Variants in MIDN observed in about 807,000 individuals in gnomAD.
The protein encoded by MIDN is midnolin.
A neutral mutation model predicts 46.1 loss-of-function variants in MIDN; 26 were observed. The ratio of observed to expected loss-of-function variants is 0.56; its 90% CI spans 0.41 to 0.78. MIDN has a LOEUF of 0.78. Among genes scored for constraint, MIDN ranks in the 30% least tolerant of loss-of-function variants. The probability of loss-of-function intolerance (pLI) is 0.00; values close to 1 mark genes in which losing one functional copy is unlikely to be tolerated. For missense variants in MIDN, 850 were observed against 771.8 expected (o/e 1.10, Z -1.20); for synonymous variants, 432 against 343.3 (o/e 1.26, Z -2.86).
Position 1,253,432 on chromosome 19 carries a change from C to CG in MIDN, c.385-522_385-521insG, listed in dbSNP as rs1555748738. On this transcript the variant is annotated intron_variant, in intron 4 of 8. Coordinates refer to ENST00000682408, the MANE Select transcript of MIDN (RefSeq NM_001388306.1). ...CAGAAACCTCCGCCACCCCCCCCCC[C>CG]ATCCCGGCCACTGGGGAGAGCAGGG... Among the ~76,000 whole-genome samples, 53 of 146,448 alleles carry CG rather than the reference C, an allele frequency of 3.6e-4. 1 individual carries two copies. The Middle Eastern group carries it at 0.024, about 68-fold the overall frequency.
At chr19:1,252,710 G>A (rs540685601) in intron 4 of MIDN, among the ~76,000 whole-genome samples, 7 of 152,272 alleles carry the variant, frequency 4.6e-5, no homozygotes, top group African/African-American at 7.2e-5. Flanking sequence ...AGGGGTGGCC[G>A]GCTTCCCGGG....
chr19:1,251,311 G>GA, intron 2 of MIDN: 1 of 519,600 alleles, frequency 1.9e-6, no homozygotes, highest in Non-Finnish European at 3.4e-6. Flanking sequence ...TTGGGGTGCA[G>GA]AGGGGGTGCC....
Position 1,250,543 on chromosome 19 carries a change from G to A in MIDN, c.233+14G>A, listed in dbSNP as rs538713247. ...CCACAAAGACACGTAGGTACCGCGCGCCCCCGGCCGGCCGCCCCCTCGGGC... is the reference window on the plus strand; with the variant it reads ...CCACAAAGACACGTAGGTACCGCGCACCCCCGGCCGGCCGCCCCCTCGGGC... On this transcript the variant is annotated intron_variant, in intron 2 of 8. Coordinates refer to ENST00000682408, the MANE Select transcript of MIDN (RefSeq NM_001388306.1). 4.2e-6 allele frequency: 5 copies of A among 1,191,986 alleles called. No individual in the cohort carries two copies. The South Asian group carries it at 1.2e-4, about 28-fold the overall frequency. The allele number at this position is 1,191,986 out of a possible 1,614,324, so 73.8% of individuals were successfully genotyped here. A position where few individuals can be genotyped will look rare whatever the true frequency, so the allele number is the denominator to read the frequency against.
intron 4 of MIDN, 44 bp downstream of exon 4, chr19:1,251,945 C>A: frequency 1.3e-6 from 2 of 1,564,488 alleles, no homozygotes; most frequent in South Asian, 2.2e-5. Flanking sequence ...GCCCTGGGAG[C>A]AGGGTGCCTT....
intron 1 of MIDN, among the ~76,000 whole-genome samples, chr19:1,249,187 T>G (rs946000819): frequency 1.3e-5 from 2 of 148,476 alleles, no homozygotes; most frequent in African/African-American, 4.9e-5. Context: ...AAACGGGTTC[T>G]GCCCGCGGCC....
chr19:1,258,800 AAAG>A lies in MIDN; in HGVS notation c.*1531_*1533del, dbSNP rs928936932. 6.6e-6 allele frequency: 1 copy of A among 152,096 alleles called. No homozygotes were observed. The highest frequency in any genetic ancestry group is 1.5e-5 in the Non-Finnish European group (1 of 68,014). The allele number at this position is 152,096 out of a possible 1,614,324, so 9.4% of individuals were successfully genotyped here. On this transcript the variant is annotated 3_prime_UTR_variant, in exon 9 of 9. Transcript: ENST00000682408. ...TTTTGTTTTCATTTTTCCAAAAAAA[AAAG>A]AAAAAAAAATAGAAAAAAAAGGAGT...
chr19:1,254,145 T>C (rs1461754099), intron 5 of MIDN, 22 bp from the exon 6 acceptor site: 3 of 1,584,876 alleles, frequency 1.9e-6, no homozygotes, highest in Non-Finnish European at 8.5e-7. Context: ...GGCTCCCAGC[T>C]GACGGACCGC....
chr19:1,248,927 C>T (rs1014384579), intron 1 of MIDN, among the ~76,000 whole-genome samples: 3 of 151,990 alleles, frequency 2.0e-5, no homozygotes, highest in Admixed American at 6.5e-5. Context: ...CGTTGCCCAG[C>T]CACACGGTCC....
chr19:1,253,405 C>T (rs956666241), intron 4 of MIDN, among the ~76,000 whole-genome samples: 1 of 138,830 alleles, frequency 7.2e-6, no homozygotes, highest in African/African-American at 2.9e-5. Context: ...TATGTCACTT[C>T]TCAGAAACCT....
At chr19:1,249,531 G>A (rs2081095303) in intron 1 of MIDN, among the ~76,000 whole-genome samples, 1 of 149,582 alleles carries the variant, frequency 6.7e-6, no homozygotes, top group Non-Finnish European at 1.5e-5. Flanking sequence ...CTCCAGACCT[G>A]GGTCCCGCGC....
chr19:1,252,977 G>C (rs2081150524), intron 4 of MIDN, among the ~76,000 whole-genome samples: 1 of 151,648 alleles, frequency 6.6e-6, no homozygotes, highest in South Asian at 2.1e-4. Context: ...AGGGGGCCCA[G>C]GGCGTGTTGG....
chr19:1,256,276 G>C (rs992858952), intron 8 of MIDN, among the ~76,000 whole-genome samples: 1 of 152,216 alleles, frequency 6.6e-6, no homozygotes, highest in South Asian at 2.1e-4. Flanking sequence ...GAGGTCAGGA[G>C]ATCGAGACCA....
Position 1,257,073 on chromosome 19 carries a change from G to A in MIDN, c.1337G>A (p.Arg446Gln), listed in dbSNP as rs371624768. 58 of 1,612,296 alleles carry A rather than the reference G, an allele frequency of 3.6e-5. No homozygotes were observed. Among genetic ancestry groups the A allele is most frequent in the Non-Finnish European group, 4.4e-5 (52 of 1,179,932 alleles). Reference protein sequence around the residue: ...ERLQLLLQQKRLRRKARRDAR... With the variant: ...ERLQLLLQQKQLRRKARRDAR... ...CTGCAGCTGCTTCTGCAGCAGAAACGGCTCCGTAGAAAGGCCCGGCGGGAC... is the reference window on the plus strand; with the variant it reads ...CTGCAGCTGCTTCTGCAGCAGAAACAGCTCCGTAGAAAGGCCCGGCGGGAC... Residue 446 changes from arginine to glutamine, a missense_variant, in exon 9 of 9, where the codon CGG becomes CAG. Coordinates refer to ENST00000682408, the MANE Select transcript of MIDN (RefSeq NM_001388306.1).
In MIDN at chr19:1,251,574, G is replaced by T; in HGVS notation, c.246G>T (p.Ser82=). 1 of 1,607,596 alleles carries T rather than the reference G, an allele frequency of 6.2e-7. No individual in the cohort carries two copies. Among genetic ancestry groups the T allele is most frequent in the Non-Finnish European group, 8.5e-7 (1 of 1,177,882 alleles). ...ALLHKDTRLS[S]GKLQEFGVGD... ...TTCCTCCCCCCAGCCGGCTCAGTTC[G>T]GGGAAGCTGCAGGAGTTCGGCGTGG... is the stretch of plus-strand genomic sequence containing the variant. Residue 82 remains serine (S), a synonymous_variant, in exon 3 of 9, where the codon TCG becomes TCT. Coordinates refer to ENST00000682408, the MANE Select transcript of MIDN (RefSeq NM_001388306.1).
chr19:1,252,437 C>T (rs1255401960), intron 4 of MIDN, among the ~76,000 whole-genome samples: 1 of 152,156 alleles, frequency 6.6e-6, no homozygotes, highest in African/African-American at 2.4e-5. Flanking sequence ...CGGGGGTGCC[C>T]AGCCCTGGGG....
intron 4 of MIDN, 62 bp from the exon 5 acceptor site, chr19:1,253,892 A>T: frequency 3.7e-6 from 5 of 1,336,278 alleles, no homozygotes; most frequent in Non-Finnish European, 4.8e-6. Context: ...TTCCCCTTGC[A>T]AGACCGACCT....
At chr19:1,254,504 C>T (rs536501499) in intron 6 of MIDN, 26 bp downstream of exon 6, 21 of 1,538,438 alleles carry the variant, frequency 1.4e-5, no homozygotes, top group South Asian at 8.3e-5. Flanking sequence ...GGAAGGGTGA[C>T]CCTTGGTTGG....
At chr19:1,256,271 C>T (rs1401237990) in intron 8 of MIDN, among the ~76,000 whole-genome samples, 1 of 152,180 alleles carries the variant, frequency 6.6e-6, no homozygotes, top group Admixed American at 6.5e-5. Context: ...ATCACGAGGT[C>T]AGGAGATCGA....
At position 1,255,578 on chromosome 19, in the gene MIDN, C is replaced by T. The variant is rs368341629; in HGVS notation, c.1142C>T (p.Pro381Leu). Reference sequence around the variant, plus strand: ...CTCCGCTGCCACGCCCAGTGCTCCCCGGCCTCACCGGCCCCCGACCTGGCC... The same window carrying T: ...CTCCGCTGCCACGCCCAGTGCTCCCTGGCCTCACCGGCCCCCGACCTGGCC... ...AQLRCHAQCS[P>L]ASPAPDLAPR... Residue 381 changes from proline to leucine, a missense_variant, in exon 8 of 9, where the codon CCG becomes CTG. By Grantham distance (98) the Pro-to-Leu change is moderately conservative. Coordinates refer to ENST00000682408, the MANE Select transcript of MIDN (RefSeq NM_001388306.1). 2.0e-5 allele frequency: 33 copies of T among 1,611,206 alleles called. No individual in the cohort carries two copies. The highest frequency in any genetic ancestry group is 4.5e-5 in the East Asian group (2 of 44,868).
Sources: gnomAD v4.1 joint callset for allele counts (sites outside exome capture counted in the v4.1 genomes callset) on GRCh38, gnomAD v4.1.1 for gene constraint, MANE v1.5 for transcripts, NCBI Gene and HGNC (gene_info 2026-07-23, HGNC 2026-07-21) for gene names.